Variants in ABI3BP observed in about 807,000 individuals in gnomAD.
The protein encoded by ABI3BP is target of Nesh-SH3.
Under a neutral mutation model 268.6 loss-of-function variants are expected in ABI3BP, and 216 were observed. That is an observed-to-expected ratio of 0.80 (90% confidence interval 0.72 to 0.90). The LOEUF (loss-of-function observed/expected upper bound fraction) is 0.90. ABI3BP is among the 40% of genes least tolerant of loss of function. The pLI, the probability that ABI3BP is intolerant of heterozygous loss-of-function variation, is 0.00. For missense variants in ABI3BP, 2,090 were observed against 2,182.4 expected (o/e 0.96, Z 0.84); for synonymous variants, 730 against 730.0 (o/e 1.00, Z 0.00).
chr3:100,812,247 G>A (rs2097880449), intron 46 of ABI3BP, among the ~76,000 whole-genome samples: 1 of 152,114 alleles, frequency 6.6e-6, no homozygotes, highest in East Asian at 1.9e-4. Flanking sequence ...TTTTCGTTTC[G>A]AGTGAGAATA....
intron 1 of ABI3BP, among the ~76,000 whole-genome samples, chr3:100,976,244 T>A (rs1414959670): frequency 9.9e-5 from 15 of 152,244 alleles, no homozygotes. Context: ...TGTATTCTGG[T>A]TTGGGGTTAG....
chr3:100,940,829 T>TAATATATATAG lies in ABI3BP; in HGVS notation c.80-14349_80-14348insCTATATATATT, dbSNP rs1554171302. ...ATATATATATATATATATATATATA[T>TAATATATATAG]ATGATATGATGAGTCAGGAATTTAA... On this transcript the variant is annotated intron_variant, in intron 1 of 67. Coordinates refer to ENST00000471714, the MANE Select transcript of ABI3BP (RefSeq NM_001375547.2). Among the ~76,000 whole-genome samples the TAATATATATAG allele has an allele frequency of 1.5e-4, 6 of 41,256 alleles. 2 individuals carry two copies. In the South Asian group the frequency reaches 6.4e-3, roughly 44 times the overall value. The allele number at this position is 41,256 out of a possible 152,430, so 27.1% of individuals were successfully genotyped here.
Position 100,864,906 on chromosome 3 carries a change from C to T in ABI3BP, c.990G>A (p.Val330=). 4 of 1,600,918 alleles carry T rather than the reference C, an allele frequency of 2.5e-6. No homozygotes were observed. Among genetic ancestry groups the T allele is most frequent in the Non-Finnish European group, 2.6e-6 (3 of 1,174,288 alleles). ...TGCTTCTTGGAACTGTTTCAGGAGT[C>T]ACTGAAAGGTAAAAAGCACAACTTT... ...VEKISARPTT[V]TPETVPRSTK... Residue 330 remains valine (V), a splice_region_variant and synonymous_variant, in exon 11 of 68, where the codon GTG becomes GTA. Transcript: ENST00000471714.
chr3:100,826,615 G>A (rs569697583), intron 34 of ABI3BP, among the ~76,000 whole-genome samples: 74 of 152,264 alleles, frequency 4.9e-4, no homozygotes, highest in African/African-American at 1.7e-3. Context: ...ATCAAATTAT[G>A]GTTGCAGAAA....
chr3:100,934,920 TGTAGG>T (rs2065370334), intron 1 of ABI3BP, among the ~76,000 whole-genome samples: 2 of 152,214 alleles, frequency 1.3e-5, no homozygotes, highest in African/African-American at 4.8e-5. Context: ...TCTCCCATTC[TGTAGG>T]TTGCCTGTTC....
At position 100,813,828 on chromosome 3, in the gene ABI3BP, C is replaced by G; in HGVS notation, c.3290-93G>C. Reference sequence around the variant, plus strand: ...GTAGCAGTGAAATAAAATACACAGACCCTGAAAATCATGAGGTTATGGAGA... The same window carrying G: ...GTAGCAGTGAAATAAAATACACAGAGCCTGAAAATCATGAGGTTATGGAGA... On this transcript the variant is annotated intron_variant, in intron 44 of 67. Coordinates refer to ENST00000471714, the MANE Select transcript of ABI3BP (RefSeq NM_001375547.2). The G allele has an allele frequency of 1.7e-5, 18 of 1,076,252 alleles. No individual in the cohort carries two copies. In the South Asian group the frequency reaches 2.5e-4, roughly 15 times the overall value. 66.7% of individuals were successfully genotyped at this position (1,076,252 alleles called of 1,614,324 possible).
In ABI3BP at chr3:100,938,592, G is replaced by A. The variant is rs181981834; in HGVS notation, c.80-12111C>T. On this transcript the variant is annotated intron_variant, in intron 1 of 67. Transcript: ENST00000471714. ...AATGTGTAGTCTTGTGTGTTAGTCC[G>A]TAAAATGACTTTTTTCTTATCAAAG... Among the ~76,000 whole-genome samples, 1,018 of 151,788 alleles carry A rather than the reference G, an allele frequency of 6.7e-3. 6 individuals are homozygous for A. The highest frequency in any genetic ancestry group is 0.01 in the Non-Finnish European group (699 of 67,874).
At position 100,810,486 on chromosome 3, in the gene ABI3BP, A is replaced by G; in HGVS notation, c.3542-9T>C. 6.5e-7 allele frequency: 1 copy of G among 1,533,696 alleles called. No homozygotes were observed. Among genetic ancestry groups the G allele is most frequent in the East Asian group, 2.4e-5 (1 of 40,878 alleles). On this transcript the variant is annotated splice_polypyrimidine_tract_variant and intron_variant, in intron 48 of 67. Coordinates refer to ENST00000471714, the MANE Select transcript of ABI3BP (RefSeq NM_001375547.2). The stretch of plus-strand genomic sequence containing the variant: ...AGGCAGAGGCGACGTTTCTATGGTA[A>G]TTGAAGGAAAGTACGCGGGTTACTA...
chr3:100,972,728 A>G lies in ABI3BP; in HGVS notation c.79+20578T>C, dbSNP rs553745391. Among the ~76,000 whole-genome samples the G allele has an allele frequency of 3.9e-4, 60 of 152,266 alleles. 1 individual carries two copies. The highest frequency in any genetic ancestry group is 2.1e-4 in the South Asian group (1 of 4,820). ...AAAACAGCAATAACAGCATCACCAC[A>G]TCCTTTCACATCAACATGCATGATT... is the stretch of plus-strand genomic sequence containing the variant. On this transcript the variant is annotated intron_variant, in intron 1 of 67. Transcript: ENST00000471714.
chr3:100,928,681 G>A (rs943420836), intron 1 of ABI3BP, among the ~76,000 whole-genome samples: 1 of 151,994 alleles, frequency 6.6e-6, no homozygotes, highest in South Asian at 2.1e-4. Context: ...GATATGAGTG[G>A]CTTATCCAAA....
At chr3:100,931,394 T>C (rs2063576613) in intron 1 of ABI3BP, among the ~76,000 whole-genome samples, 1 of 151,900 alleles carries the variant, frequency 6.6e-6, no homozygotes, top group Non-Finnish European at 1.5e-5. Flanking sequence ...GACATACAAA[T>C]AGGAAGAGAG....
At chr3:100,751,445 C>A (rs1357438544) in intron 67 of ABI3BP, 107 bp downstream of exon 67, 41 of 1,179,830 alleles carry the variant, frequency 3.5e-5, no homozygotes, top group Non-Finnish European at 4.5e-5. Context: ...ATATGTGGAG[C>A]AGTAGTACTA....
intron 1 of ABI3BP, among the ~76,000 whole-genome samples, chr3:100,976,894 A>C (rs897148079): frequency 6.6e-6 from 1 of 152,262 alleles, no homozygotes; most frequent in African/African-American, 2.4e-5. Flanking sequence ...GCCTAAGGCC[A>C]GTCCTGAGAT....
intron 4 of ABI3BP, among the ~76,000 whole-genome samples, chr3:100,887,363 TTACA>T (rs2042464474): frequency 1.3e-5 from 2 of 152,048 alleles, no homozygotes; most frequent in Admixed American, 6.6e-5. Context: ...TTCCTATCAT[TTACA>T]TAAATATTCA....
At position 100,892,104 on chromosome 3, in the gene ABI3BP, T is replaced by A. The variant is rs73137271; in HGVS notation, c.462-5781A>T. On this transcript the variant is annotated intron_variant, in intron 4 of 67. Transcript: ENST00000471714. ...AGCATGACTCAGATATGCATTGAGG[T>A]ATATTTCTTGAGAGATTCTATGACT... Among the ~76,000 whole-genome samples the A allele has an allele frequency of 7.6e-3, 1,162 of 152,322 alleles. 7 individuals carry two copies. The highest frequency in any genetic ancestry group is 0.017 in the Middle Eastern group (5 of 294).
At chr3:100,960,099 A>C (rs891636118) in intron 1 of ABI3BP, among the ~76,000 whole-genome samples, 1 of 152,248 alleles carries the variant, frequency 6.6e-6, no homozygotes, top group African/African-American at 2.4e-5. Context: ...TATGATAAAC[A>C]TGCTTAAGGC....
At chr3:100,954,529 A>G (rs1211524563) in intron 1 of ABI3BP, among the ~76,000 whole-genome samples, 1 of 152,128 alleles carries the variant, frequency 6.6e-6, no homozygotes, top group African/African-American at 2.4e-5. Context: ...CATTTCCTCT[A>G]TCCTTTGCTG....
intron 2 of ABI3BP, chr3:100,914,516 C>G (rs1038097381): frequency 4.5e-6 from 2 of 448,266 alleles, no homozygotes; most frequent in East Asian, 7.0e-5. Context: ...GTTCACAGGC[C>G]TGTTCTGAAG....
chr3:100,822,999 A>G (rs1264061756), intron 37 of ABI3BP, among the ~76,000 whole-genome samples: 1 of 152,048 alleles, frequency 6.6e-6, no homozygotes, highest in Admixed American at 6.5e-5. Flanking sequence ...TTTACAACTT[A>G]CTCTTTCAAT....
Sources: allele counts gnomAD v4.1 joint callset (sites outside exome capture counted in the v4.1 genomes callset), GRCh38; gene constraint gnomAD v4.1.1; transcripts MANE v1.5; gene names NCBI Gene and HGNC (gene_info 2026-07-23, HGNC 2026-07-21).